BAZ2B: variants seen among roughly 807,000 people sequenced by gnomAD.
BAZ2B encodes bromodomain adjacent to zinc finger domain protein 2B.
A neutral mutation model predicts 246.0 loss-of-function variants in BAZ2B; 91 were observed. The observed-to-expected ratio is 0.37, with a 90% CI of 0.31 to 0.44. BAZ2B has a LOEUF of 0.44. Ranked by LOEUF, BAZ2B falls within the 20% of genes least tolerant of loss-of-function variation. BAZ2B has a pLI of 1.00. For missense variants in BAZ2B, 2,332 were observed against 2,533.7 expected (o/e 0.92, Z 1.71); for synonymous variants, 855 against 860.0 (o/e 0.99, Z 0.10).
intron 10 of BAZ2B, among the ~76,000 whole-genome samples, chr2:159,430,146 A>G (rs2070803793): frequency 6.6e-6 from 1 of 152,198 alleles, no homozygotes; most frequent in African/African-American, 2.4e-5. Context: ...TATAAAGTAC[A>G]GTTGGCCCTT....
chr2:159,600,994 C>A (rs550616708), intron 1 of BAZ2B, among the ~76,000 whole-genome samples: 1 of 152,244 alleles, frequency 6.6e-6, no homozygotes, highest in African/African-American at 2.4e-5. Context: ...TTCTCTCCCT[C>A]CTCCCACTCA....
the BAZ2B span, among the ~76,000 whole-genome samples, chr2:159,658,830 G>A: frequency 9.2e-5 from 14 of 152,098 alleles, no homozygotes; most frequent in African/African-American, 3.1e-4. Context: ...AATTTTATTT[G>A]TATTGAACAG....
chr2:159,384,226 T>C (rs566647381), intron 23 of BAZ2B, among the ~76,000 whole-genome samples: 5 of 152,154 alleles, frequency 3.3e-5, no homozygotes, highest in Admixed American at 6.6e-5. Context: ...ACCATTTACA[T>C]TGAATTTGGG....
the BAZ2B span, among the ~76,000 whole-genome samples, chr2:159,627,096 C>T: frequency 6.6e-6 from 1 of 152,086 alleles, no homozygotes; most frequent in African/African-American, 2.4e-5. Flanking sequence ...TAGACACATA[C>T]ACCGTCCCAA....
intron 1 of BAZ2B, among the ~76,000 whole-genome samples, chr2:159,605,794 G>A (rs890962547): frequency 2.0e-5 from 3 of 152,090 alleles, no homozygotes; most frequent in Admixed American, 6.5e-5. Flanking sequence ...TTTCTTCCCA[G>A]GCATGCCTTA....
At chr2:159,617,840 C>G (rs1030175555), upstream of BAZ2B, among the ~76,000 whole-genome samples, 63 of 151,954 alleles carry the variant, frequency 4.1e-4, no homozygotes, top group African/African-American at 1.5e-3. Context: ...TTACCTCGGT[C>G]ATTTGTAACA....
intron 2 of BAZ2B, among the ~76,000 whole-genome samples, chr2:159,552,951 G>T (rs1249398825): frequency 1.3e-5 from 2 of 152,122 alleles, no homozygotes; most frequent in South Asian, 2.1e-4. Context: ...TTCACCAGAA[G>T]AAATTTTTTT....
intron 2 of BAZ2B, among the ~76,000 whole-genome samples, chr2:159,538,208 G>T (rs1412257320): frequency 6.6e-6 from 1 of 152,100 alleles, no homozygotes; most frequent in Non-Finnish European, 1.5e-5. Flanking sequence ...ATGTTGCCCA[G>T]GCTGGACTCG....
chr2:159,557,599 C>G (rs1010901046), intron 1 of BAZ2B, among the ~76,000 whole-genome samples: 2 of 152,126 alleles, frequency 1.3e-5, no homozygotes, highest in African/African-American at 4.8e-5. Flanking sequence ...TCACTTCAAT[C>G]GGGTCTCATA....
At position 159,325,910 on chromosome 2, in the gene BAZ2B, ACCACTTG is replaced by A. The variant is rs1558950753; in HGVS notation, c.5945_5951del (p.Ala1982ValfsTer4). 6.3e-7 allele frequency: 1 copy of A among 1,581,714 alleles called. No individual in the cohort carries two copies. ...GAAGTTTTTTGATTTTTAGAGTTTG[ACCACTTG>A]CCTTTAATTTAAAAAAAAAGTAAAT... On this transcript the variant is annotated frameshift_variant and splice_region_variant, in exon 35 of 37. Coordinates refer to ENST00000392783, the MANE Select transcript of BAZ2B (RefSeq NM_013450.4). LOFTEE classifies it high-confidence loss of function.
intron 1 of BAZ2B, among the ~76,000 whole-genome samples, chr2:159,556,919 G>C (rs1662736832): frequency 6.6e-6 from 1 of 152,156 alleles, no homozygotes; most frequent in African/African-American, 2.4e-5. Flanking sequence ...GGGCAGGAAA[G>C]AGATATTCCT....
chr2:159,549,879 A>T (rs954238805), intron 2 of BAZ2B, among the ~76,000 whole-genome samples: 2 of 143,786 alleles, frequency 1.4e-5, no homozygotes, highest in Non-Finnish European at 3.0e-5. Context: ...GCTGGAGTGC[A>T]GTGGTGCAAT....
At chr2:159,638,186 C>T in the BAZ2B span, among the ~76,000 whole-genome samples, 1 of 152,220 alleles carries the variant, frequency 6.6e-6, no homozygotes, top group Non-Finnish European at 1.5e-5. Context: ...CAAGGAGATA[C>T]CTTAGGCATG....
In BAZ2B at chr2:159,446,973, C is replaced by T; in HGVS notation, c.505G>A (p.Val169Ile). ...TTACTTCCATTTATTGACCCATTTA[C>T]ACCTTGAAAATAAAAATAAACATGT... is the stretch of plus-strand genomic sequence containing the variant. ...KSNRNGPEKGVNGSINGSNTS... is the reference protein window; with the variant it reads ...KSNRNGPEKGINGSINGSNTS... The change falls in exon 6 of 37, where the codon GTA (valine) becomes ATA (isoleucine). Residue 169 changes from valine to isoleucine, a missense_variant and splice_region_variant. Physicochemically the swap from Val to Ile is conservative, Grantham distance 29. Coordinates refer to ENST00000392783, the MANE Select transcript of BAZ2B (RefSeq NM_013450.4). 1 of 1,545,526 alleles carries T rather than the reference C, an allele frequency of 6.5e-7. No homozygotes were observed. Among genetic ancestry groups the T allele is most frequent in the Non-Finnish European group, 8.7e-7 (1 of 1,148,386 alleles).
At chr2:159,653,779 T>C in the BAZ2B span, among the ~76,000 whole-genome samples, 37,783 of 151,964 alleles carry the variant, frequency 0.25, 6,026 homozygotes, top group Admixed American at 0.43. Context: ...ACTCAAATAA[T>C]AAAAGATTTA....
intron 2 of BAZ2B, among the ~76,000 whole-genome samples, chr2:159,500,361 T>G (rs2081579151): frequency 6.6e-6 from 1 of 152,224 alleles, no homozygotes; most frequent in South Asian, 2.1e-4. Flanking sequence ...TTCTCTATTC[T>G]GTTCTATTGA....
At chr2:159,494,828 G>A (rs10180684) in intron 2 of BAZ2B, among the ~76,000 whole-genome samples, 5,280 of 152,270 alleles carry the variant, frequency 0.035, 313 homozygotes, top group African/African-American at 0.12. Flanking sequence ...CATGAAGCAT[G>A]CTAGGCGCTC....
At chr2:159,446,549 T>C (rs2074277619) in intron 6 of BAZ2B, among the ~76,000 whole-genome samples, 1 of 152,200 alleles carries the variant, frequency 6.6e-6, no homozygotes, top group Non-Finnish European at 1.5e-5. Flanking sequence ...AGTTAAAAGT[T>C]ATATGAAAAG....
intron 3 of BAZ2B, among the ~76,000 whole-genome samples, chr2:159,456,048 G>A (rs1186095507): frequency 2.0e-5 from 3 of 151,676 alleles, no homozygotes; most frequent in African/African-American, 7.3e-5. Context: ...TGTAATTTAT[G>A]TTTTACAAAT....
Sources: gnomAD v4.1 joint callset for allele counts (sites outside exome capture counted in the v4.1 genomes callset) on GRCh38, gnomAD v4.1.1 for gene constraint, MANE v1.5 for transcripts, NCBI Gene and HGNC (gene_info 2026-07-23, HGNC 2026-07-21) for gene names.